The following NEDD4L variants were observed in gnomAD, a reference collection of about 807,000 sequenced individuals.
NEDD4L encodes the protein E3 ubiquitin-protein ligase NEDD4-like.
A neutral mutation model predicts 148.9 loss-of-function variants in NEDD4L; 54 were observed. The ratio of observed to expected loss-of-function variants is 0.36; its 90% CI spans 0.29 to 0.45. The LOEUF (loss-of-function observed/expected upper bound fraction) is 0.45. Among genes scored for constraint, NEDD4L ranks in the 20% least tolerant of loss-of-function variants. The probability of loss-of-function intolerance (pLI) is 1.00; values close to 1 mark genes in which losing one functional copy is unlikely to be tolerated. For synonymous variants in NEDD4L, 433 were observed against 440.7 expected (o/e 0.98, Z 0.22); for missense variants, 856 against 1,233.8 (o/e 0.69, Z 4.59).
At chr18:58,109,761 G>C (rs373557898) in intron 1 of NEDD4L, among the ~76,000 whole-genome samples, 1 of 151,882 alleles carries the variant, frequency 6.6e-6, no homozygotes, top group Non-Finnish European at 1.5e-5. Context: ...GTAGAGACGG[G>C]GTTTCGCCAT....
At chr18:58,389,827 T>TTTTA (rs10617839) in intron 28 of NEDD4L, among the ~76,000 whole-genome samples, 5 of 150,530 alleles carry the variant, frequency 3.3e-5, no homozygotes, top group South Asian at 2.1e-4. Context: ...TCAAATTTAT[T>TTTTA]TTTATTTATT....
chr18:58,157,185 C>CAAAAAAAAA (rs59302556), intron 1 of NEDD4L, among the ~76,000 whole-genome samples: 1 of 89,290 alleles, frequency 1.1e-5, no homozygotes, highest in Non-Finnish European at 2.5e-5. Flanking sequence ...GACCTTGTCT[C>CAAAAAAAAA]AAAAAAAAAA....
chr18:58,200,963 T>A (rs2041329101), intron 2 of NEDD4L, among the ~76,000 whole-genome samples: 1 of 152,230 alleles, frequency 6.6e-6, no homozygotes, highest in South Asian at 2.1e-4. Flanking sequence ...TATTCACTTT[T>A]GGTGGACTAA....
At chr18:58,227,063 G>A (rs997857602) in intron 2 of NEDD4L, among the ~76,000 whole-genome samples, 1 of 152,194 alleles carries the variant, frequency 6.6e-6, no homozygotes, top group African/African-American at 2.4e-5. Context: ...CTGCCTCCAC[G>A]TCCCCACATC....
At chr18:58,169,920 G>A (rs1447526825) in intron 2 of NEDD4L, among the ~76,000 whole-genome samples, 1 of 152,200 alleles carries the variant, frequency 6.6e-6, no homozygotes, top group African/African-American at 2.4e-5. Flanking sequence ...AGGTTGACTT[G>A]TTGTTTTATG....
At chr18:58,072,577 A>G (rs933650629) in intron 1 of NEDD4L, among the ~76,000 whole-genome samples, 6 of 152,326 alleles carry the variant, frequency 3.9e-5, no homozygotes, top group Admixed American at 1.3e-4. Context: ...GGAAAATTCT[A>G]CAATTTGATA....
At chr18:58,060,780 C>T (rs927796075) in intron 1 of NEDD4L, among the ~76,000 whole-genome samples, 8 of 151,944 alleles carry the variant, frequency 5.3e-5, no homozygotes, top group South Asian at 2.1e-4. Context: ...TTTTTTGAGA[C>T]GGAGTTTTGC....
At chr18:58,104,756 C>A (rs111493911) in intron 1 of NEDD4L, among the ~76,000 whole-genome samples, 288 of 152,164 alleles carry the variant, frequency 1.9e-3, no homozygotes, top group African/African-American at 6.4e-3. Flanking sequence ...TCCTTTTCAT[C>A]ACTAACATTG....
At chr18:58,180,914 T>A (rs1320308823) in intron 2 of NEDD4L, among the ~76,000 whole-genome samples, 1 of 152,150 alleles carries the variant, frequency 6.6e-6, no homozygotes, top group African/African-American at 2.4e-5. Flanking sequence ...TCTATCGAGG[T>A]GTATTGGGGG....
intron 2 of NEDD4L, among the ~76,000 whole-genome samples, chr18:58,188,495 A>T (rs1469151041): frequency 6.6e-6 from 1 of 152,118 alleles, no homozygotes; most frequent in Non-Finnish European, 1.5e-5. Flanking sequence ...TGTTCCCTCA[A>T]GGACCTGAAG....
chr18:58,323,038 T>C lies in NEDD4L; in HGVS notation c.411-194T>C, dbSNP rs530553416. On this transcript the variant is annotated intron_variant, in intron 7 of 30. Coordinates refer to ENST00000400345, the MANE Select transcript of NEDD4L (RefSeq NM_001144967.3). ...ATGCCTGCCCTGTGTGCTGTGGGTA[T>C]GGGTGGGTGGGGATGCCTGCCCTGT... Among the ~76,000 whole-genome samples, 76 of 80,186 alleles carry C rather than the reference T, an allele frequency of 9.5e-4. 1 individual carries two copies. In the East Asian group the frequency reaches 0.025, roughly 26 times the overall value. The allele number at this position is 80,186 out of a possible 152,430, so 52.6% of individuals were successfully genotyped here. A position where few individuals can be genotyped will look rare whatever the true frequency, so the allele number is the denominator to read the frequency against.
At chr18:58,174,537 C>T (rs541526683) in intron 2 of NEDD4L, among the ~76,000 whole-genome samples, 2 of 152,290 alleles carry the variant, frequency 1.3e-5, no homozygotes, top group African/African-American at 4.8e-5. Flanking sequence ...AAGGTTGTTT[C>T]GCTTACCACA....
intron 2 of NEDD4L, chr18:58,221,648 G>A (rs906975860): frequency 2.0e-6 from 2 of 985,368 alleles, no homozygotes; most frequent in East Asian, 1.1e-4. Flanking sequence ...CTGGGAAGGA[G>A]GAAGACGAGG....
At chr18:58,081,199 T>C (rs895635597) in intron 1 of NEDD4L, among the ~76,000 whole-genome samples, 1 of 151,410 alleles carries the variant, frequency 6.6e-6, no homozygotes, top group African/African-American at 2.4e-5. Context: ...AAATGAAATT[T>C]TGGAACACCA....
At chr18:58,380,296 T>TTTTA (rs550029276) in intron 24 of NEDD4L, among the ~76,000 whole-genome samples, 37,609 of 141,702 alleles carry the variant, frequency 0.27, 5,437 homozygotes, top group South Asian at 0.5. Context: ...TTCTTTTTTA[T>TTTTA]TTTATTTATT....
Position 58,333,872 on chromosome 18 carries a change from G to C in NEDD4L, c.1045G>C (p.Glu349Gln), listed in dbSNP as rs2041364455. 2 of 1,613,456 alleles carry C rather than the reference G, an allele frequency of 1.2e-6. No homozygotes were observed. The highest frequency in any genetic ancestry group is 1.7e-6 in the Non-Finnish European group (2 of 1,179,594). ...RSCSVTDAVA[E>Q]QGHLPPPSAP... ...ATGCAGTGTCACCGACGCAGTTGCAGAACAGGGCCATCTACCACCGGTAAC... is the reference window on the plus strand; with the variant it reads ...ATGCAGTGTCACCGACGCAGTTGCACAACAGGGCCATCTACCACCGGTAAC... Residue 349 changes from glutamate (E) to glutamine (Q), a missense_variant, in exon 12 of 31, where the codon GAA (glutamate) becomes CAA (glutamine). Glu to Gln is a conservative substitution (Grantham distance 29). Around this residue, in one of 4 missense-constraint regions of NEDD4L, gnomAD observed 367 missense variants for 422.7 expected, o/e 0.87. Coordinates refer to ENST00000400345, the MANE Select transcript of NEDD4L (RefSeq NM_001144967.3).
chr18:58,204,897 A>AC (rs1235011356), intron 2 of NEDD4L, among the ~76,000 whole-genome samples: 2 of 152,218 alleles, frequency 1.3e-5, no homozygotes, highest in Non-Finnish European at 1.5e-5. Flanking sequence ...CTGAAATCCA[A>AC]CAGAGTATGA....
At chr18:58,192,479 G>A (rs972074717) in intron 2 of NEDD4L, among the ~76,000 whole-genome samples, 2 of 152,174 alleles carry the variant, frequency 1.3e-5, no homozygotes, top group Non-Finnish European at 2.9e-5. Context: ...AGGTATTTAA[G>A]GGCATCATCA....
chr18:58,120,729 G>A (rs928910101), intron 1 of NEDD4L, among the ~76,000 whole-genome samples: 1 of 152,142 alleles, frequency 6.6e-6, no homozygotes, highest in Non-Finnish European at 1.5e-5. Flanking sequence ...GCGGTGAGCC[G>A]AGATCACGCC....
Sources: gnomAD v4.1 joint callset for allele counts (sites outside exome capture counted in the v4.1 genomes callset) on GRCh38, gnomAD v4.1.1 for gene constraint, gnomAD v4.1.1 regional missense constraint, MANE v1.5 for transcripts, NCBI Gene and HGNC (gene_info 2026-07-23, HGNC 2026-07-21) for gene names.